CDH23: variants seen among roughly 807,000 people sequenced by gnomAD.
CDH23 encodes the protein cadherin-23.
A neutral mutation model predicts 317.1 loss-of-function variants in CDH23; 189 were observed. The observed-to-expected ratio is 0.60, with a 90% CI of 0.53 to 0.67. The LOEUF is 0.67. Among genes scored for constraint, CDH23 ranks in the 30% least tolerant of loss-of-function variants. CDH23 has a pLI of 0.00. For missense variants in CDH23, 4,401 were observed against 4,592.4 expected (o/e 0.96, Z 1.20); for synonymous variants, 1,839 against 1,876.8 (o/e 0.98, Z 0.52).
At chr10:71,778,380 G>A (rs1285476534) in intron 40 of CDH23, 72 bp downstream of exon 40, 2 of 1,584,684 alleles carry the variant, frequency 1.3e-6, no homozygotes, top group Non-Finnish European at 8.6e-7. Context: ...AAGCTCCGAT[G>A]CGGGAAGGGG....
intron 3 of CDH23, among the ~76,000 whole-genome samples, chr10:71,505,013 A>C (rs1307909011): frequency 6.6e-6 from 1 of 152,248 alleles, no homozygotes; most frequent in Non-Finnish European, 1.5e-5. Context: ...GGGAATTTGC[A>C]TTGTAAAGCT....
intron 28 of CDH23, among the ~76,000 whole-genome samples, chr10:71,719,384 C>G (rs1272593408): frequency 6.6e-6 from 1 of 152,210 alleles, no homozygotes; most frequent in Non-Finnish European, 1.5e-5. Context: ...TCTCTGCAAG[C>G]TCAGTCTAGG....
intron 34 of CDH23, among the ~76,000 whole-genome samples, chr10:71,735,888 G>C (rs1213946640): frequency 6.6e-6 from 1 of 152,192 alleles, no homozygotes. Flanking sequence ...CAGAGCGCTC[G>C]GGCAGTGGGT....
At chr10:71,581,464 T>C (rs10999896) in intron 9 of CDH23, among the ~76,000 whole-genome samples, 17,486 of 152,226 alleles carry the variant, frequency 0.11, 1,339 homozygotes, top group African/African-American at 0.21. Flanking sequence ...CACAGTTAAC[T>C]TGCCCAGTCC....
At chr10:71,687,525 G>A (rs1379751530) in intron 18 of CDH23, 122 bp from the exon 19 acceptor site, 4 of 821,312 alleles carry the variant, frequency 4.9e-6, no homozygotes, top group Non-Finnish European at 2.1e-6. Context: ...TGGTTATACG[G>A]AGAGGCCAAA....
chr10:71,802,055 CCCAG>C (rs1452719797), intron 53 of CDH23, among the ~76,000 whole-genome samples: 1 of 152,230 alleles, frequency 6.6e-6, no homozygotes, highest in Non-Finnish European at 1.5e-5. Flanking sequence ...TGCCTGTAAT[CCCAG>C]CACTTTGGGA....
chr10:71,738,409 TG>T, intron 34 of CDH23, 88 bp from the exon 35 acceptor site: 1 of 1,475,890 alleles, frequency 6.8e-7, no homozygotes, highest in Non-Finnish European at 9.5e-7. Flanking sequence ...ACTGGGGATC[TG>T]GTCCCTACTG....
Position 71,409,927 on chromosome 10 carries a change from G to T in CDH23, c.-6+12609G>T, listed in dbSNP as rs1848274592. On this transcript the variant is annotated intron_variant, in intron 1 of 69. Coordinates refer to ENST00000224721, the MANE Select transcript of CDH23 (RefSeq NM_022124.6). ...ATCTCTCCCTTTGTGCCTGGTCTGG[G>T]TGGGTGTGGCCAGGGCTCTGAGCAG... 2.0e-5 allele frequency among the ~76,000 whole-genome samples: 3 copies of T among 152,216 alleles called. No individual in the cohort carries two copies. The South Asian group carries it at 6.2e-4, about 31-fold the overall frequency.
At chr10:71,588,890 T>C (rs1356899233) in intron 9 of CDH23, among the ~76,000 whole-genome samples, 4 of 152,190 alleles carry the variant, frequency 2.6e-5, no homozygotes, top group African/African-American at 9.6e-5. Context: ...TGGGCGCCCA[T>C]GACCCTGGAG....
At chr10:71,802,382 G>C (rs1841580165) in intron 53 of CDH23, among the ~76,000 whole-genome samples, 1 of 152,202 alleles carries the variant, frequency 6.6e-6, no homozygotes, top group Non-Finnish European at 1.5e-5. Flanking sequence ...AGCAGCCAGG[G>C]AACAAAGGTC....
At position 71,570,836 on chromosome 10, in the gene CDH23, T is replaced by A; in HGVS notation, c.671T>A (p.Ile224Asn). The A allele has an allele frequency of 6.2e-7, 1 of 1,613,970 alleles. No individual in the cohort carries two copies. The highest frequency in any genetic ancestry group is 8.5e-7 in the Non-Finnish European group (1 of 1,179,868). ...RPLSTLANLA[I>N]IITDVQDMDP... is the part of the protein sequence containing the mutation. ...CTGTCCACCCTGGCCAACTTGGCCA[T>A]CATCATCACAGATGTCCAGGACATG... is the stretch of plus-strand genomic sequence containing the variant. The change falls in exon 8 of 70, where the codon ATC becomes AAC. Residue 224 changes from isoleucine to asparagine, a missense_variant. Coordinates refer to ENST00000224721, the MANE Select transcript of CDH23 (RefSeq NM_022124.6).
At chr10:71,517,903 C>G (rs923671356) in intron 6 of CDH23, among the ~76,000 whole-genome samples, 2 of 152,212 alleles carry the variant, frequency 1.3e-5, no homozygotes, top group Admixed American at 1.3e-4. Flanking sequence ...TCTGTCCCCT[C>G]TGTCAGCACA....
intron 9 of CDH23, among the ~76,000 whole-genome samples, chr10:71,607,608 C>T (rs1026775207): frequency 7.9e-5 from 12 of 152,164 alleles, no homozygotes; most frequent in African/African-American, 2.2e-4. Context: ...TCTACTATTC[C>T]GAAAACAGGT....
At chr10:71,713,068 C>A in intron 28 of CDH23, 2 of 745,012 alleles carry the variant, frequency 2.7e-6, no homozygotes, top group East Asian at 5.1e-5. Flanking sequence ...TTGGCCTCCC[C>A]CTGCATATCT....
chr10:71,437,638 C>T (rs1355237457), intron 1 of CDH23, among the ~76,000 whole-genome samples: 1 of 152,228 alleles, frequency 6.6e-6, no homozygotes, highest in African/African-American at 2.4e-5. Flanking sequence ...AGGATGCATG[C>T]CAGCCCTTGC....
At chr10:71,435,734 A>T (rs1360276360) in intron 1 of CDH23, among the ~76,000 whole-genome samples, 1 of 152,208 alleles carries the variant, frequency 6.6e-6, no homozygotes, top group Non-Finnish European at 1.5e-5. Context: ...GGAGGAAGCC[A>T]CTTGGCTGTG....
intron 9 of CDH23, among the ~76,000 whole-genome samples, chr10:71,580,219 T>C (rs576627311): frequency 6.4e-4 from 98 of 152,184 alleles, no homozygotes; most frequent in Middle Eastern, 3.2e-3. Context: ...AGATCCAAGC[T>C]GCTAAGCCTT....
intron 19 of CDH23, among the ~76,000 whole-genome samples, chr10:71,689,606 C>A (rs2095412558): frequency 6.6e-6 from 1 of 152,216 alleles, no homozygotes; most frequent in African/African-American, 2.4e-5. Context: ...GATTCATCCG[C>A]TGGATGGTCA....
intron 28 of CDH23, among the ~76,000 whole-genome samples, chr10:71,719,998 G>T (rs1029294537): frequency 6.6e-6 from 1 of 152,214 alleles, no homozygotes; most frequent in South Asian, 2.1e-4. Flanking sequence ...CTGGGGAGAC[G>T]CAGGGGGAGG....
Sources: allele counts gnomAD v4.1 joint callset (sites outside exome capture counted in the v4.1 genomes callset), GRCh38; gene constraint gnomAD v4.1.1; transcripts MANE v1.5; gene names NCBI Gene and HGNC (gene_info 2026-07-23, HGNC 2026-07-21).